Variants in TMPRSS15 observed in about 807,000 individuals in gnomAD.
TMPRSS15 encodes transmembrane serine protease 15.
Under a neutral mutation model 125.3 loss-of-function variants are expected in TMPRSS15, and 128 were observed. That is an observed-to-expected ratio of 1.02 (90% CI 0.89 to 1.18). The LOEUF (loss-of-function observed/expected upper bound fraction) is 1.18, where lower values mean the gene tolerates loss of function less well. Among genes scored for constraint, TMPRSS15 ranks in the 50% most tolerant of loss-of-function variants. The probability of loss-of-function intolerance (pLI) is 0.00; values close to 1 mark genes in which losing one functional copy is unlikely to be tolerated. For missense variants in TMPRSS15, 1,283 were observed against 1,212.7 expected, an observed-to-expected ratio of 1.06 and a Z score of -0.86; for synonymous variants, 446 against 423.2, an observed-to-expected ratio of 1.05 and a Z score of -0.66.
chr21:18,411,714 C>T (rs2076166382), intron 1 of TMPRSS15, among the ~76,000 whole-genome samples: 1 of 152,124 alleles, frequency 6.6e-6, no homozygotes, highest in South Asian at 2.1e-4. Context: ...CCTTTGTTCC[C>T]ACTCCACATG....
intron 1 of TMPRSS15, among the ~76,000 whole-genome samples, chr21:18,412,021 AT>A (rs2076167197): frequency 6.6e-6 from 1 of 152,148 alleles, no homozygotes; most frequent in Admixed American, 6.6e-5. Context: ...TTTGAAAAAA[AT>A]ATCAGCATGT....
chr21:18,291,106 C>T (rs187055605), intron 21 of TMPRSS15, among the ~76,000 whole-genome samples: 11 of 152,286 alleles, frequency 7.2e-5, no homozygotes, highest in East Asian at 1.9e-4. Context: ...GCATGAATCG[C>T]AGTAGGCAAA....
At chr21:18,480,835 T>C (rs1241593719) in intron 1 of TMPRSS15, among the ~76,000 whole-genome samples, 1 of 151,870 alleles carries the variant, frequency 6.6e-6, no homozygotes. Context: ...CCCATCTTCA[T>C]GTGGCTCTTG....
chr21:18,476,178 C>G (rs944662290), intron 1 of TMPRSS15, among the ~76,000 whole-genome samples: 4 of 152,002 alleles, frequency 2.6e-5, no homozygotes, highest in Non-Finnish European at 5.9e-5. Context: ...AATCATATTT[C>G]TTAGTATTCT....
At chr21:18,388,462 C>T (rs896363955) in intron 3 of TMPRSS15, among the ~76,000 whole-genome samples, 3 of 152,102 alleles carry the variant, frequency 2.0e-5, no homozygotes, top group Non-Finnish European at 2.9e-5. Flanking sequence ...TTTTCCCAAC[C>T]TAATGTAAGT....
chr21:18,357,741 A>G (rs2075639833), intron 8 of TMPRSS15, among the ~76,000 whole-genome samples: 1 of 151,776 alleles, frequency 6.6e-6, no homozygotes, highest in South Asian at 2.1e-4. Flanking sequence ...TCCATTGATT[A>G]TACACTATAA....
intron 10 of TMPRSS15, among the ~76,000 whole-genome samples, chr21:18,345,665 C>A (rs958358041): frequency 7.9e-6 from 1 of 127,140 alleles, no homozygotes; most frequent in Admixed American, 1.0e-4. Context: ...GACGTGAACC[C>A]GGGAGGTGGA....
At chr21:18,447,104 A>G (rs942504925) in intron 1 of TMPRSS15, among the ~76,000 whole-genome samples, 2 of 152,134 alleles carry the variant, frequency 1.3e-5, no homozygotes, top group African/African-American at 4.8e-5. Context: ...CAAATAATTA[A>G]TAATTAAAAT....
At chr21:18,430,732 T>G (rs187617107) in intron 1 of TMPRSS15, among the ~76,000 whole-genome samples, 1 of 152,146 alleles carries the variant, frequency 6.6e-6, no homozygotes, top group Non-Finnish European at 1.5e-5. Context: ...CAAGTAATCA[T>G]GAGACACAGG....
intron 1 of TMPRSS15, among the ~76,000 whole-genome samples, chr21:18,480,342 T>C (rs944501426): frequency 5.3e-5 from 8 of 151,892 alleles, no homozygotes; most frequent in African/African-American, 1.9e-4. Flanking sequence ...TTCTCTTAGG[T>C]GGTGCTGTAG....
At chr21:18,358,019 A>G (rs1199255006) in intron 8 of TMPRSS15, among the ~76,000 whole-genome samples, 1 of 151,804 alleles carries the variant, frequency 6.6e-6, no homozygotes, top group Non-Finnish European at 1.5e-5. Context: ...ATTATAATAT[A>G]ACTACATATT....
In TMPRSS15 at chr21:18,273,134, G is replaced by GTGTC. The variant is rs376795476; in HGVS notation, c.2904+2059_2904+2062dup. On this transcript the variant is annotated intron_variant, in intron 24 of 24. Coordinates refer to ENST00000284885, the MANE Select transcript of TMPRSS15 (RefSeq NM_002772.3). ...AATATGGCTTGGAATGGTAGGTAGAGTGTCAGTCACTAAATTTTAGGTAGA... is the reference window on the plus strand; with the variant it reads ...AATATGGCTTGGAATGGTAGGTAGAGTGTCTGTCAGTCACTAAATTTTAGGTAGA... 9.7e-4 allele frequency among the ~76,000 whole-genome samples: 148 copies of GTGTC among 152,320 alleles called. 3 individuals carry two copies. The highest frequency in any genetic ancestry group is 3.3e-3 in the African/African-American group (136 of 41,584).
chr21:18,349,500 G>C (rs1330886603), intron 10 of TMPRSS15, among the ~76,000 whole-genome samples: 1 of 152,116 alleles, frequency 6.6e-6, no homozygotes, highest in Non-Finnish European at 1.5e-5. Flanking sequence ...TAAAGGCAAA[G>C]AACAAAACAA....
At chr21:18,327,602 A>G (rs548145285) in intron 15 of TMPRSS15, among the ~76,000 whole-genome samples, 1 of 151,942 alleles carries the variant, frequency 6.6e-6, no homozygotes, top group Non-Finnish European at 1.5e-5. Context: ...GCTCTAGAAA[A>G]TTTTCTCTGG....
intron 1 of TMPRSS15, among the ~76,000 whole-genome samples, chr21:18,427,964 A>T (rs964187233): frequency 5.3e-5 from 8 of 152,218 alleles, no homozygotes; most frequent in Non-Finnish European, 8.8e-5. Flanking sequence ...AATGGACACA[A>T]CTCATAAGAA....
intron 23 of TMPRSS15, among the ~76,000 whole-genome samples, chr21:18,276,023 A>G (rs946006557): frequency 6.6e-6 from 1 of 152,234 alleles, no homozygotes; most frequent in East Asian, 1.9e-4. Context: ...GAAAAGGTAC[A>G]TGATAAGCAC....
At chr21:18,273,064 G>A (rs552945496) in intron 24 of TMPRSS15, among the ~76,000 whole-genome samples, 1 of 152,254 alleles carries the variant, frequency 6.6e-6, no homozygotes, top group African/African-American at 2.4e-5. Flanking sequence ...GTTCTCAGGT[G>A]GTGCTGCTGG....
At chr21:18,366,586 A>T (rs1601398675) in intron 6 of TMPRSS15, among the ~76,000 whole-genome samples, 1 of 152,126 alleles carries the variant, frequency 6.6e-6, no homozygotes, top group South Asian at 2.1e-4. Context: ...TTTTTCATAC[A>T]CTTGCTATGT....
intron 12 of TMPRSS15, among the ~76,000 whole-genome samples, chr21:18,342,500 G>A (rs1290579230): frequency 3.3e-5 from 5 of 152,106 alleles, no homozygotes; most frequent in East Asian, 1.9e-4. Flanking sequence ...TGACTCTCTC[G>A]CACCACCTCA....
Sources: allele counts gnomAD v4.1 joint callset (sites outside exome capture counted in the v4.1 genomes callset), GRCh38; gene constraint gnomAD v4.1.1; transcripts MANE v1.5; gene names NCBI Gene and HGNC (gene_info 2026-07-23, HGNC 2026-07-21).